Variants in SEMA5B observed in about 807,000 individuals in gnomAD.
SEMA5B encodes the protein semaphorin-5B.
Under a neutral mutation model 135.0 loss-of-function variants are expected in SEMA5B, and 66 were observed. The observed-to-expected ratio is 0.49, with a 90% CI of 0.40 to 0.60. The LOEUF (loss-of-function observed/expected upper bound fraction) is 0.60. Among genes scored for constraint, SEMA5B ranks in the 20% least tolerant of loss-of-function variants. The probability of loss-of-function intolerance (pLI) is 0.00; values close to 1 mark genes in which losing one functional copy is unlikely to be tolerated. For synonymous variants in SEMA5B, 690 were observed against 639.5 expected, an observed-to-expected ratio of 1.08 and a Z score of -1.19; for missense variants, 1,501 against 1,566.3, an observed-to-expected ratio of 0.96 and a Z score of 0.70.
At chr3:122,938,342 G>A (rs1319853329) in intron 5 of SEMA5B, among the ~76,000 whole-genome samples, 1 of 152,120 alleles carries the variant, frequency 6.6e-6, no homozygotes, top group East Asian at 1.9e-4. Flanking sequence ...ATGGATGAAT[G>A]GCATTTTCTT....
intron 1 of SEMA5B, among the ~76,000 whole-genome samples, chr3:122,997,168 A>G (rs1942041788): frequency 6.6e-6 from 1 of 152,124 alleles, no homozygotes; most frequent in Non-Finnish European, 1.5e-5. Flanking sequence ...GGGCACTGCC[A>G]TCTCCTCTTT....
chr3:122,955,301 A>G (rs1576363919), intron 2 of SEMA5B, among the ~76,000 whole-genome samples: 1 of 152,208 alleles, frequency 6.6e-6, no homozygotes, highest in African/African-American at 2.4e-5. Context: ...AATAACACCC[A>G]GCTCACAGCT....
chr3:122,986,977 G>C (rs1213948464), intron 1 of SEMA5B, among the ~76,000 whole-genome samples: 1 of 152,168 alleles, frequency 6.6e-6, no homozygotes, highest in Non-Finnish European at 1.5e-5. Flanking sequence ...CAGAGAGGTG[G>C]GGGAAGGGAA....
At chr3:123,018,129 G>T (rs1942602756) in intron 1 of SEMA5B, among the ~76,000 whole-genome samples, 1 of 152,194 alleles carries the variant, frequency 6.6e-6, no homozygotes, top group African/African-American at 2.4e-5. Flanking sequence ...GAGCCGCAAA[G>T]ACATAGAGGT....
Position 122,910,140 on chromosome 3 carries a change from G to A in SEMA5B, c.*3C>T. Reference sequence around the variant, plus strand: ...AGAAGCCCAAGTCCCCAGGACGGCGGTATCAGCTGTTGGGGAAGCACCGTT... The same window carrying A: ...AGAAGCCCAAGTCCCCAGGACGGCGATATCAGCTGTTGGGGAAGCACCGTT... On this transcript the variant is annotated 3_prime_UTR_variant, in exon 23 of 23. Coordinates refer to ENST00000357599, the MANE Select transcript of SEMA5B (RefSeq NM_001031702.4). 2 of 1,613,790 alleles carry A rather than the reference G, an allele frequency of 1.2e-6. No homozygotes were observed. Among genetic ancestry groups the A allele is most frequent in the Non-Finnish European group, 1.7e-6 (2 of 1,179,794 alleles).
intron 8 of SEMA5B, among the ~76,000 whole-genome samples, chr3:122,927,431 G>A (rs1432705212): frequency 6.6e-6 from 1 of 152,164 alleles, no homozygotes; most frequent in Non-Finnish European, 1.5e-5. Flanking sequence ...GGCCTCAAGA[G>A]ATGTTCCTGC....
chr3:122,929,268 C>T (rs1938824299), intron 5 of SEMA5B, among the ~76,000 whole-genome samples: 1 of 152,170 alleles, frequency 6.6e-6, no homozygotes, highest in Admixed American at 6.5e-5. Flanking sequence ...CAGGTGGGCA[C>T]CCTCAGCCCA....
chr3:122,987,555 G>T (rs899634651), intron 1 of SEMA5B, among the ~76,000 whole-genome samples: 1 of 152,222 alleles, frequency 6.6e-6, no homozygotes, highest in Admixed American at 6.5e-5. Context: ...GCTCCTTGGG[G>T]ATAGAGCCCT....
chr3:123,004,829 C>T (rs1482006110), intron 1 of SEMA5B, among the ~76,000 whole-genome samples: 1 of 152,166 alleles, frequency 6.6e-6, no homozygotes, highest in Non-Finnish European at 1.5e-5. Flanking sequence ...GCTCCCAGCC[C>T]CACCTGGACC....
At chr3:123,005,011 G>C (rs1942271255) in intron 1 of SEMA5B, among the ~76,000 whole-genome samples, 1 of 152,176 alleles carries the variant, frequency 6.6e-6, no homozygotes. Context: ...AACTCTGAGA[G>C]GTTATCTCTT....
rs1938407303 is a variant in SEMA5B at position 122,922,378 on chromosome 3, G to A, written c.1342C>T (p.Leu448Phe). The A allele has an allele frequency of 6.2e-7, 1 of 1,612,642 alleles. No homozygotes were observed. The highest frequency in any genetic ancestry group is 8.5e-7 in the Non-Finnish European group (1 of 1,179,482). ...TGCACGGCCTCGCTCATCAGGAAGA[G>A]GCGCTGCGCGTCCTGCAGGCTGCGC... ...TERSLQDAQR[L>F]FLMSEAVQPV... Residue 448 changes from leucine to phenylalanine, a missense_variant, in exon 11 of 23, where the codon CTC becomes TTC. This residue lies in a region of SEMA5B where 574 missense variants were observed against 684.7 expected (regional missense o/e 0.84). Coordinates refer to ENST00000357599, the MANE Select transcript of SEMA5B (RefSeq NM_001031702.4).
At chr3:122,978,892 G>A (rs1941428197) in intron 1 of SEMA5B, among the ~76,000 whole-genome samples, 1 of 152,222 alleles carries the variant, frequency 6.6e-6, no homozygotes, top group South Asian at 2.1e-4. Context: ...GCTCTGGGCT[G>A]CTCTGTTTCC....
rs1435468222 is a variant in SEMA5B, at chr3:122,913,500, C to T, written c.2280+34G>A. The T allele has an allele frequency of 1.9e-6, 3 of 1,597,786 alleles. No individual in the cohort carries two copies. The South Asian group carries it at 3.4e-5, about 18-fold the overall frequency. On this transcript the variant is annotated intron_variant, in intron 16 of 22. Coordinates refer to ENST00000357599, the MANE Select transcript of SEMA5B (RefSeq NM_001031702.4). ...CCCTCCCCTCGGCTCCAGTACCCTA[C>T]ACCGCGCCCCTGGCCCACGGCCCCA...
intron 5 of SEMA5B, among the ~76,000 whole-genome samples, chr3:122,936,835 C>G (rs921272507): frequency 1.4e-4 from 21 of 152,134 alleles, no homozygotes; most frequent in African/African-American, 5.1e-4. Context: ...TGCACCTCTT[C>G]CCTACTTCAG....
At chr3:122,951,419 A>G (rs1291692945) in intron 2 of SEMA5B, among the ~76,000 whole-genome samples, 1 of 152,208 alleles carries the variant, frequency 6.6e-6, no homozygotes, top group Admixed American at 6.5e-5. Flanking sequence ...CCAGGTAAAC[A>G]TATTGGCTAC....
intron 18 of SEMA5B, among the ~76,000 whole-genome samples, 191 bp downstream of exon 18, chr3:122,912,652 C>T (rs899069345): frequency 1.3e-5 from 2 of 151,732 alleles, no homozygotes; most frequent in Non-Finnish European, 2.9e-5. Context: ...AAGTTGAGGC[C>T]GTACTCCACC....
intron 1 of SEMA5B, among the ~76,000 whole-genome samples, chr3:123,010,899 C>T (rs72972448): frequency 6.6e-6 from 1 of 152,016 alleles, no homozygotes; most frequent in Non-Finnish European, 1.5e-5. Flanking sequence ...ACTCACCACC[C>T]CAAACCTCTA....
intron 4 of SEMA5B, among the ~76,000 whole-genome samples, chr3:122,940,166 T>G (rs1939490620): frequency 6.6e-6 from 1 of 152,224 alleles, no homozygotes; most frequent in Admixed American, 6.5e-5. Context: ...CAAACAGTTT[T>G]CACCTTCAGT....
At chr3:122,994,740 G>A (rs1476190071) in intron 1 of SEMA5B, among the ~76,000 whole-genome samples, 1 of 152,196 alleles carries the variant, frequency 6.6e-6, no homozygotes, top group Non-Finnish European at 1.5e-5. Flanking sequence ...GTGACCTTGA[G>A]CAAGCTGCTA....
Sources: gnomAD v4.1 joint callset for allele counts (sites outside exome capture counted in the v4.1 genomes callset) on GRCh38, gnomAD v4.1.1 for gene constraint, gnomAD v4.1.1 regional missense constraint, MANE v1.5 for transcripts, NCBI Gene and HGNC (gene_info 2026-07-23, HGNC 2026-07-21) for gene names.